IL1RAPL1: variants seen among roughly 807,000 people sequenced by gnomAD.
The protein encoded by IL1RAPL1 is interleukin-1 receptor accessory protein-like 1.
A neutral mutation model predicts 48.4 loss-of-function variants in IL1RAPL1; 3 were observed. The ratio of observed to expected loss-of-function variants is 0.06; its 90% CI spans 0.03 to 0.16. The LOEUF (loss-of-function observed/expected upper bound fraction) is 0.16. Ranked by LOEUF, IL1RAPL1 falls within the 10% of genes least tolerant of loss-of-function variation. The pLI is 1.00. For synonymous variants in IL1RAPL1, 185 were observed against 187.7 expected (o/e 0.99, Z 0.12); for missense variants, 349 against 530.6 (o/e 0.66, Z 3.36).
At position 29,791,416 on chromosome X, in the gene IL1RAPL1, T is replaced by C. The variant is rs141413467; in HGVS notation, c.778+122912T>C. ...ATTCAGTCTCAAACATTTTCTTTTT[T>C]TTCTTTTTATCTTTTTTTTTTTTTC... On this transcript the variant is annotated intron_variant, in intron 6 of 10. Coordinates refer to ENST00000378993, the MANE Select transcript of IL1RAPL1 (RefSeq NM_014271.4). Among the ~76,000 whole-genome samples, 325 of 107,923 alleles carry C rather than the reference T, an allele frequency of 3.0e-3. 3 individuals are homozygous for C. Among genetic ancestry groups the C allele is most frequent in the African/African-American group, 0.011 (315 of 27,972 alleles). 93.7% of individuals were successfully genotyped at this position (107,923 alleles called of 115,157 possible).
intron 6 of IL1RAPL1, among the ~76,000 whole-genome samples, chrX:29,852,088 A>T (rs1425748587): frequency 4.4e-5 from 5 of 112,653 alleles, no homozygotes; most frequent in Non-Finnish European, 9.4e-5. Flanking sequence ...AGCAATGAAA[A>T]CGTAAATGAA....
At chrX:29,480,291 C>CATACATATAT (rs375536384) in intron 5 of IL1RAPL1, among the ~76,000 whole-genome samples, 16 of 76,603 alleles carry the variant, frequency 2.1e-4, no homozygotes, top group African/African-American at 9.1e-4. Flanking sequence ...CACACATATA[C>CATACATATAT]ATATATATAT....
chrX:28,883,685 C>T (rs1389998990), intron 2 of IL1RAPL1, among the ~76,000 whole-genome samples: 1 of 111,425 alleles, frequency 9.0e-6, no homozygotes, highest in Non-Finnish European at 1.9e-5. Context: ...TAGAAAAGAT[C>T]CTTTAAAAAT....
At chrX:29,413,141 A>G (rs1934166250) in intron 5 of IL1RAPL1, among the ~76,000 whole-genome samples, 1 of 110,364 alleles carries the variant, frequency 9.1e-6, no homozygotes, top group Non-Finnish European at 1.9e-5. Flanking sequence ...AGAAAAAGGG[A>G]GTTCCCCTGC....
chrX:29,428,981 A>G (rs1421003650), intron 5 of IL1RAPL1, among the ~76,000 whole-genome samples: 1 of 111,932 alleles, frequency 8.9e-6, no homozygotes, highest in Non-Finnish European at 1.9e-5. Context: ...ACCACACCAT[A>G]TACATTCACT....
intron 6 of IL1RAPL1, among the ~76,000 whole-genome samples, chrX:29,782,140 A>G (rs764248186): frequency 9.1e-6 from 1 of 109,420 alleles, no homozygotes; most frequent in Non-Finnish European, 1.9e-5. Flanking sequence ...CTATCTATCT[A>G]TCTATGTACC....
chrX:29,670,261 T>C (rs1454041266), intron 6 of IL1RAPL1, among the ~76,000 whole-genome samples: 6 of 111,725 alleles, frequency 5.4e-5, no homozygotes, highest in African/African-American at 1.9e-4. Flanking sequence ...TCACAAAGAC[T>C]AACCACAGCA....
intron 5 of IL1RAPL1, among the ~76,000 whole-genome samples, chrX:29,576,555 T>C (rs1367474824): frequency 8.1e-5 from 9 of 111,630 alleles, no homozygotes; most frequent in African/African-American, 2.3e-4. Flanking sequence ...TTATGATTAT[T>C]AAAACATACA....
chrX:29,486,450 C>A (rs1454212859), intron 5 of IL1RAPL1, among the ~76,000 whole-genome samples: 12 of 109,884 alleles, frequency 1.1e-4, no homozygotes, highest in African/African-American at 3.3e-4. Flanking sequence ...CCTTCACTGA[C>A]TATATAACTG....
At chrX:28,835,632 A>G (rs976003251) in intron 2 of IL1RAPL1, among the ~76,000 whole-genome samples, 1 of 111,463 alleles carries the variant, frequency 9.0e-6, no homozygotes, top group Non-Finnish European at 1.9e-5. Flanking sequence ...TATTCCAGAA[A>G]CTGTCATTTA....
chrX:28,604,212 T>C (rs1934058981), intron 1 of IL1RAPL1, among the ~76,000 whole-genome samples: 1 of 111,711 alleles, frequency 9.0e-6, no homozygotes, highest in African/African-American at 3.3e-5. Context: ...CTAATTTCAT[T>C]TTTATCTCTT....
At chrX:29,168,097 TATG>T (rs1929822089) in intron 2 of IL1RAPL1, among the ~76,000 whole-genome samples, 2 of 110,614 alleles carry the variant, frequency 1.8e-5, no homozygotes, top group Non-Finnish European at 3.8e-5. Context: ...TGGGGTACAA[TATG>T]ATGTTTCAGT....
rs1935684809 is a variant in IL1RAPL1, at chrX:28,727,000, A to G, written c.-24-62320A>G. 2.7e-5 allele frequency among the ~76,000 whole-genome samples: 3 copies of G among 112,011 alleles called. No homozygotes were observed. In the South Asian group the frequency reaches 1.1e-3, roughly 42 times the overall value. On this transcript the variant is annotated intron_variant, in intron 1 of 10. Transcript: ENST00000378993. ...AGTTTTATTCTTTTATGGATTTTATATGGGACCAATGATAAACTTTCTTCA... is the reference window on the plus strand; with the variant it reads ...AGTTTTATTCTTTTATGGATTTTATGTGGGACCAATGATAAACTTTCTTCA...
chrX:28,768,237 G>C (rs766588953), intron 1 of IL1RAPL1, among the ~76,000 whole-genome samples: 3 of 111,129 alleles, frequency 2.7e-5, no homozygotes, highest in Non-Finnish European at 5.7e-5. Flanking sequence ...TGACTACATT[G>C]ATTTTGTGCA....
At chrX:29,024,597 A>G (rs1381465839) in intron 2 of IL1RAPL1, among the ~76,000 whole-genome samples, 4 of 112,324 alleles carry the variant, frequency 3.6e-5, no homozygotes, top group Non-Finnish European at 5.6e-5. Context: ...AAGGTCTGCA[A>G]TAAGGTAACT....
chrX:28,713,520 G>A (rs1347885728), intron 1 of IL1RAPL1, among the ~76,000 whole-genome samples: 1 of 111,288 alleles, frequency 9.0e-6, no homozygotes, highest in East Asian at 2.8e-4. Flanking sequence ...TGGGAGAAAA[G>A]TAACCTATAG....
At chrX:29,668,374 T>G in intron 5 of IL1RAPL1, 56 bp from the exon 6 acceptor site, 1 of 1,011,202 alleles carries the variant, frequency 9.9e-7, no homozygotes, top group Non-Finnish European at 1.4e-6. Context: ...TTCTATCTTT[T>G]AGTTTTATGC....
intron 2 of IL1RAPL1, among the ~76,000 whole-genome samples, chrX:28,859,896 A>G (rs1369056473): frequency 2.7e-5 from 3 of 110,649 alleles, no homozygotes; most frequent in African/African-American, 6.5e-5. Context: ...CTTAGTATTC[A>G]TCTTTGTTTA....
intron 3 of IL1RAPL1, among the ~76,000 whole-genome samples, chrX:29,352,033 T>C (rs983066767): frequency 1.8e-5 from 2 of 112,271 alleles, no homozygotes; most frequent in Non-Finnish European, 3.8e-5. Context: ...ATATTTTTCA[T>C]TTCTGGAAGT....
Sources: gnomAD v4.1 joint callset for allele counts (sites outside exome capture counted in the v4.1 genomes callset) on GRCh38, gnomAD v4.1.1 for gene constraint, MANE v1.5 for transcripts, NCBI Gene and HGNC (gene_info 2026-07-23, HGNC 2026-07-21) for gene names.